Variants in DLG2 observed in about 807,000 individuals in gnomAD.
DLG2 encodes discs large MAGUK scaffold protein 2.
A neutral mutation model predicts 132.5 loss-of-function variants in DLG2; 45 were observed. That is an observed-to-expected ratio of 0.34 (90% CI 0.27 to 0.44). DLG2 has a LOEUF of 0.44. DLG2 is among the 20% of genes least tolerant of loss of function. The probability of loss-of-function intolerance (pLI) is 1.00; values close to 1 mark genes in which losing one functional copy is unlikely to be tolerated. For missense variants in DLG2, 1,045 were observed against 1,196.9 expected, an observed-to-expected ratio of 0.87 and a Z score of 1.87; for synonymous variants, 424 against 419.6, an observed-to-expected ratio of 1.01 and a Z score of -0.13.
intron 3 of DLG2, among the ~76,000 whole-genome samples, chr11:85,338,609 A>T (rs1440920879): frequency 1.2e-4 from 18 of 151,978 alleles, no homozygotes. Flanking sequence ...ATTTGAAAAG[A>T]TATACTCAGA....
At chr11:84,459,951 T>C (rs997561508) in intron 7 of DLG2, among the ~76,000 whole-genome samples, 3 of 150,660 alleles carry the variant, frequency 2.0e-5, no homozygotes, top group Non-Finnish European at 4.5e-5. Context: ...CCAACTTCAA[T>C]GGAGATTCTT....
intron 6 of DLG2, among the ~76,000 whole-genome samples, chr11:84,712,063 G>A (rs1476165066): frequency 6.6e-6 from 1 of 152,014 alleles, no homozygotes; most frequent in East Asian, 1.9e-4. Context: ...CATGCCATAA[G>A]AGTCCAGGGG....
intron 16 of DLG2, among the ~76,000 whole-genome samples, chr11:83,870,187 T>C (rs1201954018): frequency 1.3e-5 from 2 of 152,200 alleles, no homozygotes; most frequent in Non-Finnish European, 2.9e-5. Flanking sequence ...CACATGGCCA[T>C]ATTCCACAGT....
At chr11:85,320,547 T>C (rs2080990002) in intron 3 of DLG2, among the ~76,000 whole-genome samples, 2 of 151,868 alleles carry the variant, frequency 1.3e-5, no homozygotes, top group African/African-American at 4.8e-5. Context: ...AATATAAAAT[T>C]ATATACACAA....
intron 3 of DLG2, among the ~76,000 whole-genome samples, chr11:85,435,698 G>A (rs1034326958): frequency 3.9e-5 from 6 of 152,146 alleles, no homozygotes; most frequent in Non-Finnish European, 5.9e-5. Context: ...CATGCTCATG[G>A]ATAGGAAGAG....
At chr11:83,601,622 C>T (rs1448648629) in intron 19 of DLG2, among the ~76,000 whole-genome samples, 1 of 143,882 alleles carries the variant, frequency 7.0e-6, no homozygotes, top group Admixed American at 7.3e-5. Context: ...AACCATTCTT[C>T]CACCTCGGCC....
intron 4 of DLG2, among the ~76,000 whole-genome samples, chr11:85,246,784 G>C (rs2076154564): frequency 6.6e-6 from 1 of 152,038 alleles, no homozygotes; most frequent in Non-Finnish European, 1.5e-5. Flanking sequence ...TATTTGTGTA[G>C]TTGTATAATA....
chr11:84,756,591 GAATT>G (rs976391630), intron 6 of DLG2, among the ~76,000 whole-genome samples: 1 of 152,130 alleles, frequency 6.6e-6, no homozygotes, highest in Non-Finnish European at 1.5e-5. Flanking sequence ...GTTGTTAAGA[GAATT>G]AAATGTAATA....
At chr11:83,611,749 G>C (rs573093479) in intron 19 of DLG2, among the ~76,000 whole-genome samples, 1 of 152,226 alleles carries the variant, frequency 6.6e-6, no homozygotes, top group South Asian at 2.1e-4. Context: ...TTCTTTGTCC[G>C]CTGAAGCAGT....
At chr11:85,514,532 CA>C (rs1402320626) in intron 3 of DLG2, among the ~76,000 whole-genome samples, 1 of 151,962 alleles carries the variant, frequency 6.6e-6, no homozygotes, top group Non-Finnish European at 1.5e-5. Context: ...CAGATTCTTA[CA>C]GCACTTTTTG....
At chr11:83,510,278 T>G (rs1030838285) in intron 21 of DLG2, among the ~76,000 whole-genome samples, 1 of 152,036 alleles carries the variant, frequency 6.6e-6, no homozygotes, top group Non-Finnish European at 1.5e-5. Context: ...CCTTGGATGT[T>G]GACTCAGTTT....
At chr11:85,350,718 T>C (rs2083222603) in intron 3 of DLG2, among the ~76,000 whole-genome samples, 2 of 152,250 alleles carry the variant, frequency 1.3e-5, no homozygotes, top group Non-Finnish European at 2.9e-5. Context: ...CAGATGGTTG[T>C]AGATGTGTGG....
chr11:84,651,208 C>G (rs2099681651), intron 6 of DLG2, among the ~76,000 whole-genome samples: 1 of 151,958 alleles, frequency 6.6e-6, no homozygotes, highest in Non-Finnish European at 1.5e-5. Flanking sequence ...CTTCATCTCC[C>G]CTTTAAACAC....
chr11:84,064,393 G>A (rs1025302099), intron 10 of DLG2, among the ~76,000 whole-genome samples: 1 of 152,130 alleles, frequency 6.6e-6, no homozygotes, highest in South Asian at 2.1e-4. Flanking sequence ...ATATATCACA[G>A]CACAGAACCT....
intron 6 of DLG2, among the ~76,000 whole-genome samples, chr11:85,025,163 A>G (rs2060410060): frequency 1.3e-5 from 2 of 152,204 alleles, no homozygotes; most frequent in Admixed American, 1.3e-4. Context: ...ATCTCGCAAG[A>G]ACACAGATAC....
intron 6 of DLG2, among the ~76,000 whole-genome samples, chr11:84,872,989 T>C (rs4943900): frequency 0.37 from 56,500 of 152,172 alleles, 12,195 homozygotes; most frequent in Middle Eastern, 0.53. Context: ...TTTAGAAATA[T>C]GGAATTGTTA....
At chr11:85,023,663 G>GTATATTGTACCTATATATCTA (rs1462525038) in intron 6 of DLG2, among the ~76,000 whole-genome samples, 9 of 151,942 alleles carry the variant, frequency 5.9e-5, no homozygotes, top group Admixed American at 5.2e-4. Context: ...TGTAATAGAA[G>GTATATTGTACCTATATATCTA]TATATTGTAC....
intron 6 of DLG2, among the ~76,000 whole-genome samples, chr11:84,705,606 T>C (rs1231217722): frequency 6.6e-6 from 1 of 151,762 alleles, no homozygotes; most frequent in African/African-American, 2.4e-5. Context: ...TTACAGACAT[T>C]CATGCATCCA....
At chr11:85,461,408 G>C (rs1218147372) in intron 3 of DLG2, among the ~76,000 whole-genome samples, 1 of 152,200 alleles carries the variant, frequency 6.6e-6, no homozygotes, top group Non-Finnish European at 1.5e-5. Context: ...TACAAGGAAA[G>C]AGAACACAAG....
Sources: gnomAD v4.1 joint callset for allele counts (sites outside exome capture counted in the v4.1 genomes callset) on GRCh38, gnomAD v4.1.1 for gene constraint, MANE v1.5 for transcripts, NCBI Gene and HGNC (gene_info 2026-07-23, HGNC 2026-07-21) for gene names.